The following SFRP1 variants were observed in gnomAD, a reference collection of about 807,000 sequenced individuals.
The protein encoded by SFRP1 is secreted frizzled related protein 1.
SFRP1 carries 9 observed loss-of-function variants against 25.9 expected under a neutral mutation model. That is an observed-to-expected ratio of 0.35 (90% CI 0.21 to 0.61). The LOEUF (loss-of-function observed/expected upper bound fraction) is 0.61. SFRP1 is among the 20% of genes least tolerant of loss of function. SFRP1 has a pLI of 0.78. For synonymous variants in SFRP1, 178 were observed against 174.0 expected (o/e 1.02, Z -0.18); for missense variants, 346 against 418.2 (o/e 0.83, Z 1.51).
chr8:41,282,353 A>AT (rs945487355), intron 2 of SFRP1, among the ~76,000 whole-genome samples: 2 of 151,892 alleles, frequency 1.3e-5, no homozygotes, highest in South Asian at 2.1e-4. Flanking sequence ...CCAGCTCTAC[A>AT]TTTTTTTTAA....
Position 41,262,285 on chromosome 8 carries a change from G to A in SFRP1, c.*2882C>T, listed in dbSNP as rs1269846647. ...TGTTATTCCCTGCAGGCTGCCTAGGGTGCTCTCCTCAAACAGATCACCTGA... is the reference window on the plus strand; with the variant it reads ...TGTTATTCCCTGCAGGCTGCCTAGGATGCTCTCCTCAAACAGATCACCTGA... On this transcript the variant is annotated 3_prime_UTR_variant, in exon 3 of 3. Coordinates refer to ENST00000220772, the MANE Select transcript of SFRP1 (RefSeq NM_003012.5). 1 of 152,156 alleles carries A rather than the reference G, an allele frequency of 6.6e-6. No homozygotes were observed. Among genetic ancestry groups the A allele is most frequent in the Non-Finnish European group, 1.5e-5 (1 of 68,024 alleles). 9.4% of individuals were successfully genotyped at this position (152,156 alleles called of 1,614,324 possible).
chr8:41,301,150 T>G (rs1457646205), intron 2 of SFRP1, among the ~76,000 whole-genome samples: 2 of 152,190 alleles, frequency 1.3e-5, no homozygotes, highest in African/African-American at 2.4e-5. Flanking sequence ...AATGCACCCC[T>G]TGTTCCCGGA....
At chr8:41,301,554 A>G (rs1023452720) in intron 2 of SFRP1, among the ~76,000 whole-genome samples, 14 of 152,216 alleles carry the variant, frequency 9.2e-5, no homozygotes, top group Non-Finnish European at 1.6e-4. Flanking sequence ...CCATACGCAC[A>G]CTAAGGAGGT....
At chr8:41,267,898 G>A (rs936357794) in intron 2 of SFRP1, among the ~76,000 whole-genome samples, 6 of 152,180 alleles carry the variant, frequency 3.9e-5, no homozygotes, top group Non-Finnish European at 8.8e-5. Context: ...TCACAGGGAG[G>A]AGCTCAGACC....
chr8:41,295,430 G>C (rs564251439), intron 2 of SFRP1, among the ~76,000 whole-genome samples: 1 of 151,916 alleles, frequency 6.6e-6, no homozygotes, highest in East Asian at 1.9e-4. Context: ...TCGGGAGGCC[G>C]AGGCAGAAAA....
intron 2 of SFRP1, among the ~76,000 whole-genome samples, chr8:41,281,283 T>C (rs1403294279): frequency 2.6e-5 from 4 of 152,186 alleles, no homozygotes; most frequent in South Asian, 4.1e-4. Flanking sequence ...CCAGCAAGCT[T>C]TGCCCTGTTA....
rs536538068 is a variant in SFRP1 at position 41,284,791 on chromosome 8, G to A, written c.622+18670C>T. On this transcript the variant is annotated intron_variant, in intron 2 of 2. Transcript: ENST00000220772. The stretch of plus-strand genomic sequence containing the variant: ...CCTCTGGGAGCTGCTGGTAAGCGCA[G>A]GCAAGTGCAGGCTGGCAGGCTAACA... Among the ~76,000 whole-genome samples the A allele has an allele frequency of 5.9e-5, 9 of 152,360 alleles. No individual in the cohort carries two copies. The East Asian group carries it at 1.7e-3, about 29-fold the overall frequency.
chr8:41,305,554 C>T (rs1803984872), intron 1 of SFRP1, among the ~76,000 whole-genome samples: 1 of 152,206 alleles, frequency 6.6e-6, no homozygotes. Context: ...TAACCTGCGC[C>T]TCATTGGTGC....
At chr8:41,289,764 A>T (rs999249466) in intron 2 of SFRP1, among the ~76,000 whole-genome samples, 1 of 152,200 alleles carries the variant, frequency 6.6e-6, no homozygotes, top group South Asian at 2.1e-4. Flanking sequence ...AAATACCAAG[A>T]CCATAGGAGT....
rs758234202 is a variant in SFRP1, at chr8:41,265,246, T to G, written c.866A>C (p.Lys289Thr). 12 of 1,614,134 alleles carry G rather than the reference T, an allele frequency of 7.4e-6. No individual in the cohort carries two copies. Among genetic ancestry groups the G allele is most frequent in the Admixed American group, 1.7e-5 (1 of 60,026 alleles). Residue 289 changes from lysine to threonine, a missense_variant, in exon 3 of 3, where the codon AAG becomes ACG. By Grantham distance (78) the Lys-to-Thr change is moderately conservative. Coordinates refer to ENST00000220772, the MANE Select transcript of SFRP1 (RefSeq NM_003012.5). ...YLLTAIHKWD[K>T]KNKEFKNFMK... is the part of the protein sequence containing the mutation. ...GAAGTTTTTGAACTCCTTGTTTTTC[T>G]TGTCCCACTTGTGGATGGCCGTCAG...
intron 2 of SFRP1, among the ~76,000 whole-genome samples, chr8:41,290,156 T>G (rs1235201125): frequency 6.6e-6 from 1 of 152,166 alleles, no homozygotes; most frequent in Non-Finnish European, 1.5e-5. Context: ...CAAACACACA[T>G]GTGTGCACAG....
chr8:41,265,076 T>G lies in SFRP1; in HGVS notation c.*91A>C. On this transcript the variant is annotated 3_prime_UTR_variant, in exon 3 of 3. Transcript: ENST00000220772. ...CAATGTCCACTACTGACAGGCGCAG[T>G]GCGTGTGTGTGACCCACCGGGTTCC... 1.2e-6 allele frequency: 1 copy of G among 849,746 alleles called. No individual in the cohort carries two copies. Among genetic ancestry groups the G allele is most frequent in the Non-Finnish European group, 1.8e-6 (1 of 548,266 alleles). 52.6% of individuals were successfully genotyped at this position (849,746 alleles called of 1,614,324 possible).
Position 41,263,331 on chromosome 8 carries a change from C to T in SFRP1, c.*1836G>A, listed in dbSNP as rs758314466. 3.9e-5 allele frequency: 6 copies of T among 152,460 alleles called. No individual in the cohort carries two copies. Among genetic ancestry groups the T allele is most frequent in the South Asian group, 2.1e-4 (1 of 4,824 alleles). 9.4% of individuals were successfully genotyped at this position (152,460 alleles called of 1,614,324 possible). ...ATCACTTAAGGTCCCCAGCACTTTA[C>T]GATGAAAGGTCAGAGAGAACCCCAC... is the stretch of plus-strand genomic sequence containing the variant. On this transcript the variant is annotated 3_prime_UTR_variant, in exon 3 of 3. Transcript: ENST00000220772.
intron 2 of SFRP1, among the ~76,000 whole-genome samples, chr8:41,277,862 T>A (rs748862630): frequency 2.6e-5 from 4 of 152,172 alleles, no homozygotes; most frequent in Non-Finnish European, 5.9e-5. Context: ...CCTCCCACCC[T>A]GGCCTCTCAA....
At chr8:41,306,787 G>A (rs754135250) in intron 1 of SFRP1, 82 of 1,597,938 alleles carry the variant, frequency 5.1e-5, no homozygotes, top group Non-Finnish European at 6.6e-5. Context: ...GAAGGGCGCC[G>A]ACCAGTGGAA....
At chr8:41,286,350 A>G (rs1563363092) in intron 2 of SFRP1, among the ~76,000 whole-genome samples, 1 of 152,218 alleles carries the variant, frequency 6.6e-6, no homozygotes, top group Non-Finnish European at 1.5e-5. Flanking sequence ...GTTCCCGCTC[A>G]ACCTTCCCAC....
At chr8:41,299,909 C>T (rs1316302822) in intron 2 of SFRP1, among the ~76,000 whole-genome samples, 8 of 152,176 alleles carry the variant, frequency 5.3e-5, no homozygotes, top group Non-Finnish European at 2.9e-5. Flanking sequence ...GTGTGTCTCA[C>T]AATTAACAGG....
intron 2 of SFRP1, among the ~76,000 whole-genome samples, chr8:41,287,973 G>A (rs1002385046): frequency 6.6e-6 from 1 of 152,130 alleles, no homozygotes; most frequent in Non-Finnish European, 1.5e-5. Context: ...GGACATGGCA[G>A]CTCATGCCTA....
chr8:41,268,301 T>C (rs954381583), intron 2 of SFRP1, among the ~76,000 whole-genome samples: 2 of 152,200 alleles, frequency 1.3e-5, no homozygotes, highest in African/African-American at 4.8e-5. Flanking sequence ...GGCCACAGTT[T>C]GTAAGAGACA....
Sources: allele counts gnomAD v4.1 joint callset (sites outside exome capture counted in the v4.1 genomes callset), GRCh38; gene constraint gnomAD v4.1.1; transcripts MANE v1.5; gene names NCBI Gene and HGNC (gene_info 2026-07-23, HGNC 2026-07-21).